Variants in LGSN observed in about 807,000 individuals in gnomAD.
The protein encoded by LGSN is lengsin, lens protein with glutamine synthetase domain.
A neutral mutation model predicts 19.5 loss-of-function variants in LGSN; 21 were observed. That is an observed-to-expected ratio of 1.07 (90% CI 0.76 to 1.55). The LOEUF (loss-of-function observed/expected upper bound fraction) is 1.55, where lower values mean the gene tolerates loss of function less well. Among genes scored for constraint, LGSN ranks in the 40% most tolerant of loss-of-function variants. The pLI is 0.00. For missense variants in LGSN, 673 were observed against 608.5 expected (o/e 1.11, Z -1.12); for synonymous variants, 257 against 215.6 (o/e 1.19, Z -1.68).
intron 2 of LGSN, among the ~76,000 whole-genome samples, chr6:63,289,628 A>T (rs1489240456): frequency 2.2e-5 from 2 of 89,840 alleles, no homozygotes; most frequent in African/African-American, 4.5e-5. Flanking sequence ...GAAAATATTA[A>T]AAAAAAAAAA....
In LGSN at chr6:63,283,618, CTT is replaced by C. The variant is rs34439463; in HGVS notation, c.330+1967_330+1968del. 9.6e-3 allele frequency among the ~76,000 whole-genome samples: 1,340 copies of C among 139,438 alleles called. 10 individuals are homozygous for C. The highest frequency in any genetic ancestry group is 0.019 in the Middle Eastern group (5 of 268). The allele number at this position is 139,438 out of a possible 152,430, so 91.5% of individuals were successfully genotyped here. ...TTTAGGTTACTTTGCACAAATGAAT[CTT>C]TTTTTTTTTTTTTTGAGATGGAATA... On this transcript the variant is annotated intron_variant, in intron 3 of 3. Transcript: ENST00000370657.
chr6:63,480,956 T>G, the LGSN span, among the ~76,000 whole-genome samples: 1,359 of 23,676 alleles, frequency 0.057, 40 homozygotes, highest in East Asian at 0.088. Flanking sequence ...TATATATATA[T>G]ATATATATAT....
chr6:63,441,527 C>G, the LGSN span: 2 of 418,642 alleles, frequency 4.8e-6, no homozygotes, highest in African/African-American at 4.1e-5. Flanking sequence ...GCTGTACAGA[C>G]AGACCACAAG....
At chr6:63,291,160 T>G (rs1414060168) in intron 2 of LGSN, among the ~76,000 whole-genome samples, 1 of 152,208 alleles carries the variant, frequency 6.6e-6, no homozygotes, top group African/African-American at 2.4e-5. Flanking sequence ...AACATGCAGG[T>G]GAGCCAAGGT....
the LGSN span, among the ~76,000 whole-genome samples, chr6:63,377,310 C>T: frequency 2.6e-5 from 4 of 152,156 alleles, no homozygotes; most frequent in African/African-American, 9.7e-5. Context: ...TAACAATCAA[C>T]CAGGCAATAG....
At chr6:63,305,850 C>T (rs1277779951) in intron 1 of LGSN, among the ~76,000 whole-genome samples, 1 of 152,090 alleles carries the variant, frequency 6.6e-6, no homozygotes, top group Non-Finnish European at 1.5e-5. Context: ...CACTTGAGGC[C>T]AGGAGTTCAA....
the LGSN span, among the ~76,000 whole-genome samples, chr6:63,337,991 T>C: frequency 6.6e-6 from 1 of 152,052 alleles, no homozygotes; most frequent in East Asian, 1.9e-4. Flanking sequence ...GTTCAAGTGA[T>C]TCTCCTGCCT....
the LGSN span, chr6:63,480,541 C>T: frequency 0.47 from 70,876 of 152,346 alleles, 18,329 homozygotes; most frequent in Non-Finnish European, 0.56. Flanking sequence ...AAAAAACCTG[C>T]CCCTGTTGCC....
the LGSN span, among the ~76,000 whole-genome samples, chr6:63,361,589 A>T: frequency 4.0e-5 from 6 of 151,630 alleles, no homozygotes; most frequent in African/African-American, 1.5e-4. Context: ...GAATTCCCTG[A>T]CCCCTTGAGC....
chr6:63,327,485 C>T, the LGSN span, among the ~76,000 whole-genome samples: 1 of 152,296 alleles, frequency 6.6e-6, no homozygotes, highest in African/African-American at 2.4e-5. Flanking sequence ...CAACACTCTT[C>T]CCCTAAGAAG....
chr6:63,285,439 G>A, intron 3 of LGSN, 148 bp downstream of exon 3: 1 of 642,724 alleles, frequency 1.6e-6, no homozygotes, highest in Non-Finnish European at 2.6e-6. Context: ...AATGTGTTTG[G>A]GAGGAACAAG....
chr6:63,354,098 G>C, the LGSN span, among the ~76,000 whole-genome samples: 1 of 152,026 alleles, frequency 6.6e-6, no homozygotes, highest in South Asian at 2.1e-4. Context: ...AAGACTTTAT[G>C]GCTAAGACCT....
At chr6:63,426,300 G>C in the LGSN span, among the ~76,000 whole-genome samples, 1 of 152,046 alleles carries the variant, frequency 6.6e-6, no homozygotes. Context: ...TTAAATTTAA[G>C]CTGATCCAAC....
the LGSN span, among the ~76,000 whole-genome samples, chr6:63,432,093 GAAAGAAAGAAAGAAAGAAAGAAA>G: frequency 3.1e-4 from 5 of 16,306 alleles, no homozygotes; most frequent in Admixed American, 6.0e-4. Context: ...AAGAAGGAAA[GAAAGAAAGAAAGAAAGAAAGAAA>G]GAAAGAAAGA....
At chr6:63,393,459 G>A in the LGSN span, among the ~76,000 whole-genome samples, 4 of 148,676 alleles carry the variant, frequency 2.7e-5, no homozygotes, top group African/African-American at 9.9e-5. Flanking sequence ...GATTACAGGC[G>A]TGAGCCACCG....
chr6:63,337,630 C>T, the LGSN span, among the ~76,000 whole-genome samples: 1 of 151,242 alleles, frequency 6.6e-6, no homozygotes, highest in South Asian at 2.1e-4. Flanking sequence ...GGCCAAACTA[C>T]ATCTCTACAC....
chr6:63,451,025 T>C, the LGSN span, among the ~76,000 whole-genome samples: 1 of 152,144 alleles, frequency 6.6e-6, no homozygotes, highest in Non-Finnish European at 1.5e-5. Flanking sequence ...CACTCCTTTT[T>C]TATGTCTAGT....
At chr6:63,462,217 T>C in the LGSN span, among the ~76,000 whole-genome samples, 1 of 152,242 alleles carries the variant, frequency 6.6e-6, no homozygotes, top group Non-Finnish European at 1.5e-5. Context: ...ATTACAGGCC[T>C]GTCTTTCCCA....
At chr6:63,318,309 T>C (rs1161723347) in intron 1 of LGSN, among the ~76,000 whole-genome samples, 1 of 152,200 alleles carries the variant, frequency 6.6e-6, no homozygotes, top group East Asian at 1.9e-4. Flanking sequence ...TGTTTTGTAG[T>C]TAACTTCATG....
Sources: gnomAD v4.1 joint callset for allele counts (sites outside exome capture counted in the v4.1 genomes callset) on GRCh38, gnomAD v4.1.1 for gene constraint, MANE v1.5 for transcripts, NCBI Gene and HGNC (gene_info 2026-07-23, HGNC 2026-07-21) for gene names.